Variants in CA10 observed in about 807,000 individuals in gnomAD.
The protein encoded by CA10 is carbonic anhydrase-related protein 10.
Under a neutral mutation model 44.2 loss-of-function variants are expected in CA10, and 14 were observed. The observed-to-expected ratio is 0.32, with a 90% CI of 0.21 to 0.50. CA10 has a LOEUF of 0.50. Among genes scored for constraint, CA10 ranks in the 20% least tolerant of loss-of-function variants. The pLI is 0.99. For synonymous variants in CA10, 159 were observed against 141.6 expected (o/e 1.12, Z -0.87); for missense variants, 350 against 409.7 (o/e 0.85, Z 1.26).
intron 2 of CA10, among the ~76,000 whole-genome samples, chr17:51,959,049 C>A (rs1983770151): frequency 6.6e-6 from 1 of 151,932 alleles, no homozygotes; most frequent in South Asian, 2.1e-4. Context: ...AGCTTGGACT[C>A]TAGGACAGCC....
At chr17:52,041,587 G>A (rs542793172) in intron 2 of CA10, among the ~76,000 whole-genome samples, 1 of 152,096 alleles carries the variant, frequency 6.6e-6, no homozygotes, top group South Asian at 2.1e-4. Context: ...GTGAATGTGT[G>A]GTGATAACAC....
chr17:52,127,832 G>T (rs1050207654), intron 1 of CA10, among the ~76,000 whole-genome samples: 2 of 152,192 alleles, frequency 1.3e-5, no homozygotes, highest in African/African-American at 4.8e-5. Context: ...TAAAAGGCTA[G>T]ATCTTTGATA....
intron 3 of CA10, among the ~76,000 whole-genome samples, chr17:51,886,584 C>A (rs1980610480): frequency 6.6e-6 from 1 of 152,110 alleles, no homozygotes; most frequent in South Asian, 2.1e-4. Flanking sequence ...TCATGGTCAG[C>A]CATTGTGTTG....
intron 3 of CA10, among the ~76,000 whole-genome samples, chr17:51,812,223 A>G (rs1468842910): frequency 6.6e-6 from 1 of 152,246 alleles, no homozygotes; most frequent in South Asian, 2.1e-4. Context: ...AAATTAAGTT[A>G]TATAAACTTA....
At chr17:51,957,700 G>C (rs1044396228) in intron 2 of CA10, among the ~76,000 whole-genome samples, 5 of 152,022 alleles carry the variant, frequency 3.3e-5, no homozygotes, top group Non-Finnish European at 7.4e-5. Context: ...TAGTTCAAGA[G>C]AATAAAAACA....
chr17:51,840,478 T>TACACACACAC (rs3033576), intron 3 of CA10, among the ~76,000 whole-genome samples: 21 of 146,730 alleles, frequency 1.4e-4, no homozygotes, highest in African/African-American at 4.3e-4. Flanking sequence ...CAACCTTTAA[T>TACACACACAC]ACACACACAC....
At chr17:51,984,837 A>G (rs561705574) in intron 2 of CA10, among the ~76,000 whole-genome samples, 1 of 152,120 alleles carries the variant, frequency 6.6e-6, no homozygotes, top group African/African-American at 2.4e-5. Flanking sequence ...TGAACAGACT[A>G]ATAACAAGCA....
At chr17:52,124,203 T>C (rs1989071872) in intron 1 of CA10, among the ~76,000 whole-genome samples, 1 of 152,226 alleles carries the variant, frequency 6.6e-6, no homozygotes, top group African/African-American at 2.4e-5. Flanking sequence ...CTTCATCCCA[T>C]TTCCCACCTA....
intron 2 of CA10, among the ~76,000 whole-genome samples, chr17:51,960,227 A>G (rs1331435855): frequency 6.6e-6 from 1 of 152,118 alleles, no homozygotes; most frequent in Non-Finnish European, 1.5e-5. Flanking sequence ...TCCTTTATAA[A>G]TAAGAGAGAA....
At chr17:51,791,293 A>G (rs1331922752) in intron 3 of CA10, among the ~76,000 whole-genome samples, 1 of 152,186 alleles carries the variant, frequency 6.6e-6, no homozygotes, top group Non-Finnish European at 1.5e-5. Flanking sequence ...CCCATTTTAA[A>G]TTTCTATTCA....
In CA10 at chr17:51,631,401, T is replaced by C. The variant is rs1912566479; in HGVS notation, c.*183A>G. ...GCTTGTGTGTGTGTTTGTGAGTATG[T>C]GTGAGAGATGTATTCCTCTGCCATG... On this transcript the variant is annotated 3_prime_UTR_variant, in exon 9 of 9. Coordinates refer to ENST00000451037, the MANE Select transcript of CA10 (RefSeq NM_020178.5). The C allele has an allele frequency of 1.5e-6, 1 of 682,100 alleles. No homozygotes were observed. Among genetic ancestry groups the C allele is most frequent in the South Asian group, 1.7e-5 (1 of 57,462 alleles). The allele number at this position is 682,100 out of a possible 1,614,324, so 42.3% of individuals were successfully genotyped here.
chr17:52,093,412 T>C (rs1988320690), intron 1 of CA10, among the ~76,000 whole-genome samples: 1 of 152,140 alleles, frequency 6.6e-6, no homozygotes, highest in Admixed American at 6.6e-5. Flanking sequence ...CAAATGCTAT[T>C]TACATCCTGA....
At chr17:52,007,793 C>G (rs1985652404) in intron 2 of CA10, among the ~76,000 whole-genome samples, 1 of 151,326 alleles carries the variant, frequency 6.6e-6, no homozygotes. Flanking sequence ...TTCTCTGAAA[C>G]AGTTTGGACT....
intron 2 of CA10, among the ~76,000 whole-genome samples, chr17:52,003,483 T>G (rs772529817): frequency 1.3e-5 from 2 of 152,010 alleles, no homozygotes; most frequent in Non-Finnish European, 2.9e-5. Flanking sequence ...GGCTCCAGCA[T>G]GGTCCCTGAC....
At chr17:51,823,583 TC>T (rs2143768815) in intron 3 of CA10, among the ~76,000 whole-genome samples, 1 of 152,360 alleles carries the variant, frequency 6.6e-6, no homozygotes, top group South Asian at 2.1e-4. Flanking sequence ...GTGGAACTTT[TC>T]TGATTACTCC....
At chr17:51,828,360 C>T (rs938112919) in intron 3 of CA10, among the ~76,000 whole-genome samples, 56 of 152,170 alleles carry the variant, frequency 3.7e-4, no homozygotes, top group African/African-American at 1.3e-3. Context: ...ATTCTTCCTG[C>T]TCCTGTGCAC....
At chr17:51,935,835 A>C (rs939868731) in intron 2 of CA10, among the ~76,000 whole-genome samples, 1 of 152,164 alleles carries the variant, frequency 6.6e-6, no homozygotes, top group Non-Finnish European at 1.5e-5. Flanking sequence ...CTGGACAAAA[A>C]CAACAAAGTT....
chr17:52,018,090 G>A (rs1405205869), intron 2 of CA10, among the ~76,000 whole-genome samples: 1 of 152,138 alleles, frequency 6.6e-6, no homozygotes, highest in Non-Finnish European at 1.5e-5. Context: ...TTCAGAGGAT[G>A]TATGGGAAAG....
intron 3 of CA10, among the ~76,000 whole-genome samples, chr17:51,796,575 C>T (rs1906718889): frequency 6.6e-6 from 1 of 152,190 alleles, no homozygotes; most frequent in Admixed American, 6.5e-5. Context: ...GAGTAAAACT[C>T]ATGAATCCTA....
Sources: allele counts gnomAD v4.1 joint callset (sites outside exome capture counted in the v4.1 genomes callset), GRCh38; gene constraint gnomAD v4.1.1; transcripts MANE v1.5; gene names NCBI Gene and HGNC (gene_info 2026-07-23, HGNC 2026-07-21).